Variants in CELF4 observed in about 807,000 individuals in gnomAD.
CELF4 encodes the protein CUG-BP- and ETR-3-like factor 4.
A neutral mutation model predicts 59.9 loss-of-function variants in CELF4; 18 were observed. The observed-to-expected ratio is 0.30, with a 90% confidence interval of 0.21 to 0.45. CELF4 has a LOEUF of 0.45. Among genes scored for constraint, CELF4 ranks in the 20% least tolerant of loss-of-function variants. The pLI, the probability that CELF4 is intolerant of heterozygous loss-of-function variation, is 1.00. For missense variants in CELF4, 456 were observed against 689.0 expected (o/e 0.66, Z 3.79); for synonymous variants, 261 against 267.1 (o/e 0.98, Z 0.22).
intron 2 of CELF4, among the ~76,000 whole-genome samples, chr18:37,434,637 C>G (rs1190771912): frequency 1.3e-5 from 2 of 152,140 alleles, no homozygotes; most frequent in African/African-American, 2.4e-5. Context: ...GCAGCTGCAC[C>G]AGGAACCAGG....
intron 2 of CELF4, among the ~76,000 whole-genome samples, chr18:37,358,673 G>C (rs922783158): frequency 6.6e-6 from 1 of 152,232 alleles, no homozygotes; most frequent in Admixed American, 6.5e-5. Flanking sequence ...TGGCACAGGA[G>C]CAGGATGCAG....
intron 2 of CELF4, among the ~76,000 whole-genome samples, chr18:37,448,518 A>C (rs2099754375): frequency 6.6e-6 from 1 of 152,210 alleles, no homozygotes; most frequent in African/African-American, 2.4e-5. Context: ...GGGCATGTCC[A>C]GCTCTGACGC....
intron 2 of CELF4, among the ~76,000 whole-genome samples, chr18:37,389,981 G>A (rs2099140813): frequency 6.6e-6 from 1 of 152,184 alleles, no homozygotes; most frequent in African/African-American, 2.4e-5. Flanking sequence ...GGAATATTCT[G>A]GGGCTCCAGG....
intron 2 of CELF4, among the ~76,000 whole-genome samples, chr18:37,440,805 T>G (rs2099710377): frequency 6.6e-6 from 1 of 152,070 alleles, no homozygotes; most frequent in African/African-American, 2.4e-5. Context: ...TACCCATCTG[T>G]CTAACTAGCC....
intron 2 of CELF4, among the ~76,000 whole-genome samples, chr18:37,333,284 AAG>A (rs2154536894): frequency 6.6e-6 from 1 of 151,964 alleles, no homozygotes; most frequent in South Asian, 2.1e-4. Context: ...GGCACCTAGT[AAG>A]AGCCCAGGAA....
intron 2 of CELF4, among the ~76,000 whole-genome samples, chr18:37,441,407 C>G (rs954962890): frequency 6.6e-6 from 1 of 151,764 alleles, no homozygotes; most frequent in Non-Finnish European, 1.5e-5. Flanking sequence ...AGACAGATGC[C>G]GGATATGTTT....
intron 2 of CELF4, among the ~76,000 whole-genome samples, chr18:37,455,057 G>A (rs60950243): frequency 0.11 from 17,200 of 151,992 alleles, 1,135 homozygotes; most frequent in African/African-American, 0.18. Context: ...CACTTTAGGG[G>A]AAAAAAAATC....
At chr18:37,376,510 C>T (rs1283362139) in intron 2 of CELF4, among the ~76,000 whole-genome samples, 2 of 152,226 alleles carry the variant, frequency 1.3e-5, no homozygotes, top group East Asian at 1.9e-4. Context: ...CTCTTCTGGT[C>T]CTAGCTCAGT....
At chr18:37,479,650 G>A (rs1033437865) in intron 2 of CELF4, among the ~76,000 whole-genome samples, 1 of 152,110 alleles carries the variant, frequency 6.6e-6, no homozygotes, top group Non-Finnish European at 1.5e-5. Flanking sequence ...AGGAAAGGCT[G>A]GGCGACCCCC....
chr18:37,274,888 C>A lies in CELF4; in HGVS notation c.578-4G>T, dbSNP rs1390214487. 2 of 1,605,056 alleles carry A rather than the reference C, an allele frequency of 1.2e-6. No individual in the cohort carries two copies. Among genetic ancestry groups the A allele is most frequent in the Non-Finnish European group, 1.7e-6 (2 of 1,176,616 alleles). On this transcript the variant is annotated splice_polypyrimidine_tract_variant and splice_region_variant and intron_variant, in intron 4 of 12. Coordinates refer to ENST00000420428, the MANE Select transcript of CELF4 (RefSeq NM_020180.4). ...GAGTACTTCACAAAGGCGCACCCTG[C>A]GAGGACGCGAGAGGCCGAGCTGGGA...
intron 1 of CELF4, among the ~76,000 whole-genome samples, chr18:37,488,272 C>T (rs1313546417): frequency 1.3e-5 from 2 of 152,166 alleles, no homozygotes; most frequent in Non-Finnish European, 2.9e-5. Context: ...GCACCCATCA[C>T]TCCCTGACAG....
intron 1 of CELF4, among the ~76,000 whole-genome samples, chr18:37,563,649 A>G (rs78595687): frequency 0.029 from 4,467 of 152,044 alleles, 219 homozygotes; most frequent in African/African-American, 0.1. Context: ...CACCTTTCCA[A>G]TCTCTCTTTT....
chr18:37,295,895 G>T (rs2095612719), intron 3 of CELF4, among the ~76,000 whole-genome samples: 1 of 152,204 alleles, frequency 6.6e-6, no homozygotes, highest in South Asian at 2.1e-4. Flanking sequence ...TGTGCCCAAT[G>T]GTGTCACTTG....
At chr18:37,265,773 C>T (rs1024382949) in intron 9 of CELF4, among the ~76,000 whole-genome samples, 3 of 152,192 alleles carry the variant, frequency 2.0e-5, no homozygotes, top group African/African-American at 4.8e-5. Context: ...CACCTCAGTC[C>T]CCTCACCCCT....
chr18:37,256,642 G>A (rs1490519846), intron 11 of CELF4, among the ~76,000 whole-genome samples: 3 of 152,176 alleles, frequency 2.0e-5, no homozygotes, highest in Non-Finnish European at 2.9e-5. Context: ...CTAGAGTGCA[G>A]TGGTGTGATC....
intron 2 of CELF4, among the ~76,000 whole-genome samples, chr18:37,362,470 A>G (rs1317539128): frequency 3.9e-5 from 6 of 152,072 alleles, no homozygotes; most frequent in Admixed American, 2.6e-4. Flanking sequence ...GGCTCCTAGG[A>G]CAAAGCGGGA....
At chr18:37,334,024 C>T (rs943257403) in intron 2 of CELF4, among the ~76,000 whole-genome samples, 1 of 152,132 alleles carries the variant, frequency 6.6e-6, no homozygotes, top group Non-Finnish European at 1.5e-5. Flanking sequence ...GCCATGCAGT[C>T]CTGCACTTGG....
chr18:37,428,512 C>A (rs1002115094), intron 2 of CELF4, among the ~76,000 whole-genome samples: 1 of 152,166 alleles, frequency 6.6e-6, no homozygotes, highest in Non-Finnish European at 1.5e-5. Flanking sequence ...CAAGGAGTCA[C>A]TCCACAGTAG....
At position 37,349,572 on chromosome 18, in the gene CELF4, T is replaced by C. The variant is rs550372665; in HGVS notation, c.370-27691A>G. 6.6e-5 allele frequency among the ~76,000 whole-genome samples: 10 copies of C among 152,282 alleles called. No homozygotes were observed. In the South Asian group the frequency reaches 1.7e-3, roughly 25 times the overall value. ...ACACTCATTTACTCCAAAGCACTTA[T>C]TGTGCATGAAGGACAGGCAGCCCCT... On this transcript the variant is annotated intron_variant, in intron 2 of 12. Coordinates refer to ENST00000420428, the MANE Select transcript of CELF4 (RefSeq NM_020180.4).
Sources: allele counts gnomAD v4.1 joint callset (sites outside exome capture counted in the v4.1 genomes callset), GRCh38; gene constraint gnomAD v4.1.1; transcripts MANE v1.5; gene names NCBI Gene and HGNC (gene_info 2026-07-23, HGNC 2026-07-21).